The following NT5DC4 variants were observed in gnomAD, a reference collection of about 807,000 sequenced individuals.
The protein encoded by NT5DC4 is 5'-nucleotidase domain containing 4, also known as 5'-nucleotidase domain-containing protein 4.
Under a neutral mutation model 26.6 loss-of-function variants are expected in NT5DC4, and 44 were observed. That is an observed-to-expected ratio of 1.65 (90% CI 1.30 to 2.13). NT5DC4 has a LOEUF of 2.13. Among genes scored for constraint, NT5DC4 ranks in the 30% most tolerant of loss-of-function variants. The pLI is 0.00. For synonymous variants in NT5DC4, 157 were observed against 86.7 expected (o/e 1.81, Z -4.51); for missense variants, 399 against 228.1 (o/e 1.75, Z -4.83).
intron 1 of NT5DC4, chr2:112,721,493 CCAA>C (rs1335132020): frequency 1.4e-6 from 1 of 717,798 alleles, no homozygotes; most frequent in Non-Finnish European, 2.6e-6. Flanking sequence ...AACCCTCACA[CCAA>C]CAACTGCACC....
At position 112,732,937 on chromosome 2, in the gene NT5DC4, T is replaced by A. The variant is rs139124198; in HGVS notation, c.1344+3233T>A. 4.1e-3 allele frequency among the ~76,000 whole-genome samples: 631 copies of A among 152,322 alleles called. 4 individuals carry two copies. The highest frequency in any genetic ancestry group is 0.014 in the African/African-American group (585 of 41,576). Reference sequence around the variant, plus strand: ...GTGGTTCCTAGATTAACACGTGTCCTCACTAGACTCTCAGCTCCAAAAGGT... The same window carrying A: ...GTGGTTCCTAGATTAACACGTGTCCACACTAGACTCTCAGCTCCAAAAGGT... On this transcript the variant is annotated intron_variant, in intron 16 of 16. Transcript: ENST00000688554.
intron 15 of NT5DC4, chr2:112,727,294 A>G (rs1677864206): frequency 5.9e-6 from 1 of 169,128 alleles, no homozygotes; most frequent in Non-Finnish European, 1.3e-5. Flanking sequence ...CCACAGCCTT[A>G]AGAGGTGGAT....
chr2:112,735,619 C>G (rs76156541), intron 16 of NT5DC4, among the ~76,000 whole-genome samples: 1 of 152,080 alleles, frequency 6.6e-6, no homozygotes, highest in Non-Finnish European at 1.5e-5. Flanking sequence ...CTTCCCAAAT[C>G]ATTAAGGGCC....
chr2:112,734,215 AT>A (rs1678814978), intron 16 of NT5DC4, among the ~76,000 whole-genome samples: 1 of 120,742 alleles, frequency 8.3e-6, no homozygotes, highest in Non-Finnish European at 1.7e-5. Context: ...ATTAGTCAGG[AT>A]TTTTTCTTTA....
intron 11 of NT5DC4, 27 bp from the exon 12 acceptor site, chr2:112,725,147 C>T: frequency 1.4e-6 from 1 of 709,094 alleles, no homozygotes; most frequent in Non-Finnish European, 2.6e-6. Context: ...GTTCTCCTGG[C>T]TCCAGGGCAC....
chr2:112,724,276 A>G, intron 10 of NT5DC4, 150 bp downstream of exon 10: 1 of 667,362 alleles, frequency 1.5e-6, no homozygotes, highest in Non-Finnish European at 2.8e-6. Context: ...TCATGAGTGG[A>G]AGCTCCCCAG....
upstream of NT5DC4, among the ~76,000 whole-genome samples, chr2:112,720,128 A>G (rs555768158): frequency 6.8e-6 from 1 of 147,870 alleles, no homozygotes; most frequent in Admixed American, 6.8e-5. Flanking sequence ...GCAACCTCCA[A>G]CCCCTGGGTT....
At chr2:112,742,502 C>A, downstream of NT5DC4, 1 of 718,666 alleles carries the variant, frequency 1.4e-6, no homozygotes, top group Admixed American at 2.0e-5. Flanking sequence ...TGGAAACAAC[C>A]TTTGTTCAGT....
At chr2:112,723,830 G>T in intron 9 of NT5DC4, 28 bp downstream of exon 9, 1 of 716,198 alleles carries the variant, frequency 1.4e-6, no homozygotes, top group Non-Finnish European at 2.6e-6. Context: ...GGGGTGGACC[G>T]TCGGCCTCCT....
Position 112,722,238 on chromosome 2 carries a change from A to G in NT5DC4, c.322A>G (p.Asn108Asp), listed in dbSNP as rs1458862576. Residue 108 changes from asparagine to aspartate, a missense_variant, in exon 4 of 17, where the codon AAT becomes GAT. By Grantham distance (23) the Asn-to-Asp change is conservative (BLOSUM62 1). Transcript: ENST00000688554. ...GNLLKVDAHG[N>D]VLLGAYGFTF... ...CCTGCTGAAGGTGGACGCCCACGGG[A>G]ATGTGCTGCTGGGTGCCTATGGCTT... The G allele has an allele frequency of 1.4e-6, 1 of 716,762 alleles. No individual in the cohort carries two copies. The highest frequency in any genetic ancestry group is 2.6e-6 in the Non-Finnish European group (1 of 385,052). The allele number at this position is 716,762 out of a possible 1,614,324, so 44.4% of individuals were successfully genotyped here. A position where few individuals can be genotyped will look rare whatever the true frequency, so the allele number is the denominator to read the frequency against.
At chr2:112,719,924 C>CTTTT (rs758520099), upstream of NT5DC4, among the ~76,000 whole-genome samples, 63 of 69,154 alleles carry the variant, frequency 9.1e-4, 1 homozygote, top group African/African-American at 3.9e-3. Flanking sequence ...TTCTTTCTTT[C>CTTTT]TCTTTCTTTC....
Position 112,725,422 on chromosome 2 carries a change from G to T in NT5DC4, c.1023G>T (p.Gly341=), listed in dbSNP as rs894392498. The T allele has an allele frequency of 8.4e-6, 6 of 715,810 alleles. No homozygotes were observed. The African/African-American group carries it at 8.7e-5, about 10-fold the overall frequency. The allele number at this position is 715,810 out of a possible 1,614,324, so 44.3% of individuals were successfully genotyped here. ...DMVCELLGVR[G]MDILYIGDHI... ...TGTGCGAGCTGCTTGGGGTTCGGGGGATGGACATCCTGTACATTGGGGACC... is the reference window on the plus strand; with the variant it reads ...TGTGCGAGCTGCTTGGGGTTCGGGGTATGGACATCCTGTACATTGGGGACC... The change falls in exon 13 of 17, where the codon GGG becomes GGT. Residue 341 remains glycine, a synonymous_variant. Transcript: ENST00000688554.
At chr2:112,735,690 A>G (rs1476830586) in intron 16 of NT5DC4, among the ~76,000 whole-genome samples, 2 of 152,038 alleles carry the variant, frequency 1.3e-5, no homozygotes, top group Non-Finnish European at 2.9e-5. Flanking sequence ...GCAGCTATTT[A>G]CTAAACAAGA....
intron 16 of NT5DC4, 40 bp from the exon 17 acceptor site, chr2:112,738,873 T>C (rs777313966): frequency 7.4e-6 from 12 of 1,613,996 alleles, no homozygotes; most frequent in Non-Finnish European, 9.3e-6. Context: ...GCCTCATTTC[T>C]ACGGAATATA....
At chr2:112,725,789 G>A (rs1426919919) in intron 13 of NT5DC4, among the ~76,000 whole-genome samples, 1 of 152,098 alleles carries the variant, frequency 6.6e-6, no homozygotes, top group Non-Finnish European at 1.5e-5. Context: ...CACTTCTCCT[G>A]ACCCAAGAAT....
intron 15 of NT5DC4, among the ~76,000 whole-genome samples, chr2:112,729,086 C>A (rs1321620420): frequency 6.6e-6 from 1 of 152,128 alleles, no homozygotes; most frequent in Non-Finnish European, 1.5e-5. Context: ...AGTGACAAGG[C>A]GAAACACTTA....
In NT5DC4 at chr2:112,721,855, C is replaced by A. The variant is rs918052368; in HGVS notation, c.112C>A (p.Arg38Ser). The change falls in exon 2 of 17, where the codon CGT becomes AGT. Residue 38 changes from arginine to serine, a missense_variant. Transcript: ENST00000688554. ...CCGCAGCCTGGCGCTGGGGAAGATT[C>A]GTTGCTTTGGCTTCGACATGGACTA... ...VNRSLALGKIRCFGFDMDYTL... is the reference protein window; with the variant it reads ...VNRSLALGKISCFGFDMDYTL... 1 of 717,200 alleles carries A rather than the reference C, an allele frequency of 1.4e-6. No homozygotes were observed. Among genetic ancestry groups the A allele is most frequent in the Admixed American group, 2.0e-5 (1 of 50,004 alleles). 44.4% of individuals were successfully genotyped at this position (717,200 alleles called of 1,614,324 possible). A position where few individuals can be genotyped will look rare whatever the true frequency, so the allele number is the denominator to read the frequency against.
At chr2:112,741,110 A>G (rs1679919939), downstream of NT5DC4, 1 of 771,922 alleles carries the variant, frequency 1.3e-6, no homozygotes, top group African/African-American at 1.7e-5. Context: ...TTTCCCAGTG[A>G]TCTTCATGGG....
At chr2:112,730,077 C>T (rs1476011508) in intron 16 of NT5DC4, among the ~76,000 whole-genome samples, 1 of 152,052 alleles carries the variant, frequency 6.6e-6, no homozygotes, top group East Asian at 1.9e-4. Context: ...CTTTGGGAGG[C>T]TGAGGCAAGT....
Sources: gnomAD v4.1 joint callset for allele counts (sites outside exome capture counted in the v4.1 genomes callset) on GRCh38, gnomAD v4.1.1 for gene constraint, MANE v1.5 for transcripts, NCBI Gene and HGNC (gene_info 2026-07-23, HGNC 2026-07-21) for gene names.